The following PIK3CD variants were observed in gnomAD, a reference collection of about 807,000 sequenced individuals.
PIK3CD encodes the protein phosphatidylinositol-4,5-bisphosphate 3-kinase catalytic subunit delta.
A neutral mutation model predicts 122.9 loss-of-function variants in PIK3CD; 20 were observed. That is an observed-to-expected ratio of 0.16 (90% CI 0.11 to 0.24). The LOEUF is 0.24. PIK3CD is among the 10% of genes least tolerant of loss of function. PIK3CD has a pLI of 1.00. For missense variants in PIK3CD, 787 were observed against 1,406.3 expected (o/e 0.56, Z 7.04); for synonymous variants, 596 against 593.4 (o/e 1.00, Z -0.06).
the PIK3CD span, among the ~76,000 whole-genome samples, chr1:9,628,859 A>C: frequency 1.3e-5 from 2 of 152,274 alleles, no homozygotes; most frequent in African/African-American, 2.4e-5. Context: ...GACACTGGGC[A>C]GTAAGGGTGA....
At chr1:9,637,487 G>A in the PIK3CD span, among the ~76,000 whole-genome samples, 1,205 of 152,272 alleles carry the variant, frequency 7.9e-3, 27 homozygotes, top group Admixed American at 0.045. Flanking sequence ...CTACACTCCA[G>A]CCTGGGTGAC....
chr1:9,718,073 A>C lies in PIK3CD; in HGVS notation c.1020+447A>C, dbSNP rs2100892280. On this transcript the variant is annotated intron_variant, in intron 8 of 23. Coordinates refer to ENST00000377346, the MANE Select transcript of PIK3CD (RefSeq NM_005026.5). The surrounding 1 kb of genome is among the most constrained non-coding windows in gnomAD (Gnocchi z 7.2). ...TGAGCCCACCTCCCTGTTGTCTCTT[A>C]ACACTTTCACACGCTCCATCGCAAC... 2.1e-6 allele frequency: 1 copy of C among 470,980 alleles called. No homozygotes were observed. Among genetic ancestry groups the C allele is most frequent in the Non-Finnish European group, 4.2e-6 (1 of 237,118 alleles). 29.2% of individuals were successfully genotyped at this position (470,980 alleles called of 1,614,324 possible). A position where few individuals can be genotyped will look rare whatever the true frequency, so the allele number is the denominator to read the frequency against.
chr1:9,686,045 A>G (rs1179873793), intron 1 of PIK3CD, among the ~76,000 whole-genome samples: 4 of 152,226 alleles, frequency 2.6e-5, no homozygotes, highest in Non-Finnish European at 5.9e-5. Flanking sequence ...CATCACAGCA[A>G]AAGTGTGATG....
At position 9,710,144 on chromosome 1, in the gene PIK3CD, TG is replaced by T. The variant is rs1335841263; in HGVS notation, c.-32-279del. The stretch of plus-strand genomic sequence containing the variant: ...TGGCTTTCGTGGATGTGTATGTTCC[TG>T]AGGAAAGATGATTTGCTGTGCGTGC... On this transcript the variant is annotated intron_variant, in intron 2 of 23. Transcript: ENST00000377346. This position sits in a 1 kb window ranked among gnomAD's most constrained non-coding sequence, Gnocchi z 4.7. The T allele has an allele frequency of 2.4e-6, 1 of 423,104 alleles. No homozygotes were observed. Among genetic ancestry groups the T allele is most frequent in the Non-Finnish European group, 4.5e-6 (1 of 224,352 alleles). 26.2% of individuals were successfully genotyped at this position (423,104 alleles called of 1,614,324 possible).
At chr1:9,725,384 TC>T (rs1474593806) in intron 23 of PIK3CD, among the ~76,000 whole-genome samples, 2 of 151,556 alleles carry the variant, frequency 1.3e-5, no homozygotes, top group Admixed American at 6.6e-5. Flanking sequence ...AGAAACCCCG[TC>T]TCTACTAAAA....
Position 9,716,562 on chromosome 1 carries a change from G to A in PIK3CD, c.723G>A (p.Leu241=), listed in dbSNP as rs1647487268. The change falls in exon 6 of 24, where the codon CTG becomes CTA. Residue 241 remains leucine, a synonymous_variant. Coordinates refer to ENST00000377346, the MANE Select transcript of PIK3CD (RefSeq NM_005026.5). ...TGGAGCAGCCGGAAGACTACACGCT[G>A]CAGGTGAACGGCAGGCATGAGTACC... The part of the protein sequence containing the change: ...PLVEQPEDYT[L]QVNGRHEYLY... The A allele has an allele frequency of 6.2e-7, 1 of 1,601,320 alleles. No homozygotes were observed. The highest frequency in any genetic ancestry group is 1.3e-5 in the African/African-American group (1 of 74,532).
In PIK3CD at chr1:9,727,661, G is replaced by A. The variant is rs1254562087; in HGVS notation, c.*615G>A. 1 of 218,130 alleles carries A rather than the reference G, an allele frequency of 4.6e-6. No homozygotes were observed. 13.5% of individuals were successfully genotyped at this position (218,130 alleles called of 1,614,324 possible). ...GATGACTCACCACACCTCTACGGCT[G>A]GGGAGATCAGGCCCAGCCCCATAAA... On this transcript the variant is annotated 3_prime_UTR_variant, in exon 24 of 24. Transcript: ENST00000377346.
intron 2 of PIK3CD, among the ~76,000 whole-genome samples, chr1:9,702,500 CTTTTTTTTTTTTTTTTTTTT>C (rs60167511): frequency 0.014 from 350 of 25,830 alleles, 11 homozygotes; most frequent in African/African-American, 0.038. Flanking sequence ...AAGAACTTTC[CTTTTTTTTTTTTTTTTTTTT>C]TTTTTTTTTT....
chr1:9,690,942 T>G (rs1338997150), intron 1 of PIK3CD, among the ~76,000 whole-genome samples: 1 of 151,810 alleles, frequency 6.6e-6, no homozygotes, highest in African/African-American at 2.4e-5. Context: ...GCGGCTGAGG[T>G]GGGGGAAGAA....
chr1:9,703,282 C>T (rs2100666880), intron 2 of PIK3CD, among the ~76,000 whole-genome samples: 1 of 152,384 alleles, frequency 6.6e-6, no homozygotes, highest in South Asian at 2.1e-4. Context: ...GCCTAAGTCT[C>T]ATTCCCACCT....
intron 2 of PIK3CD, chr1:9,691,809 A>G (rs1646207087): frequency 8.5e-6 from 3 of 354,582 alleles, no homozygotes; most frequent in Non-Finnish European, 1.5e-5. Flanking sequence ...TGCCTGGGAA[A>G]AGAAGGAATG....
In PIK3CD at chr1:9,717,172, A is replaced by T; in HGVS notation, c.930+64A>T. 6.3e-7 allele frequency: 1 copy of T among 1,590,750 alleles called. No individual in the cohort carries two copies. Among genetic ancestry groups the T allele is most frequent in the Non-Finnish European group, 8.6e-7 (1 of 1,159,858 alleles). Reference sequence around the variant, plus strand: ...TTCTTTCCACCTGGCGTCCAACTCCATGTGCTACTGGCCATGGGTCCAGGG... The same window carrying T: ...TTCTTTCCACCTGGCGTCCAACTCCTTGTGCTACTGGCCATGGGTCCAGGG... On this transcript the variant is annotated intron_variant, in intron 7 of 23. Coordinates refer to ENST00000377346, the MANE Select transcript of PIK3CD (RefSeq NM_005026.5). This position sits in a 1 kb window ranked among gnomAD's most constrained non-coding sequence, Gnocchi z 5.4.
At position 9,718,709 on chromosome 1, in the gene PIK3CD, G is replaced by A. The variant is rs1350006292; in HGVS notation, c.1036G>A (p.Gly346Arg). 4 of 1,604,176 alleles carry A rather than the reference G, an allele frequency of 2.5e-6. No homozygotes were observed. Among genetic ancestry groups the A allele is most frequent in the East Asian group, 2.2e-5 (1 of 44,798 alleles). ...CCTTCTACAGCTGGTGGTGCAGGCCGGGCTTTTCCACGGCAACGAGATGCT... is the reference window on the plus strand; with the variant it reads ...CCTTCTACAGCTGGTGGTGCAGGCCAGGCTTTTCCACGGCAACGAGATGCT... ...DERMKLVVQAGLFHGNEMLCK... is the reference protein window; with the variant it reads ...DERMKLVVQARLFHGNEMLCK... Residue 346 changes from glycine (G) to arginine (R), a missense_variant, in exon 9 of 24, where the codon GGG (glycine) becomes AGG (arginine). By Grantham distance (125) the Gly-to-Arg change is moderately radical (BLOSUM62 -2). Around this residue, in one of 6 missense-constraint regions of PIK3CD, gnomAD observed 592 missense variants for 920.6 expected, o/e 0.64. Coordinates refer to ENST00000377346, the MANE Select transcript of PIK3CD (RefSeq NM_005026.5). The surrounding 1 kb of genome is among the most constrained non-coding windows in gnomAD (Gnocchi z 7.2).
At chr1:9,655,845 C>T (rs1644840328) in intron 1 of PIK3CD, among the ~76,000 whole-genome samples, 2 of 151,756 alleles carry the variant, frequency 1.3e-5, no homozygotes, top group South Asian at 2.1e-4. Flanking sequence ...TACAGATGTG[C>T]GCCACTATGG....
rs1646111854 is a variant in PIK3CD at position 9,689,538 on chromosome 1, C to T, written c.-137-1929C>T. 6.9e-6 allele frequency among the ~76,000 whole-genome samples: 1 copy of T among 145,128 alleles called. No individual in the cohort carries two copies. Among genetic ancestry groups the T allele is most frequent in the African/African-American group, 2.5e-5 (1 of 39,990 alleles). ...CCAGTAGTCCCAGCCCCGCCCCGGG[C>T]CGCGCCCCTCCGCCGAGCCCCGCTT... On this transcript the variant is annotated intron_variant, in intron 1 of 23. Coordinates refer to ENST00000377346, the MANE Select transcript of PIK3CD (RefSeq NM_005026.5). This position sits in a 1 kb window ranked among gnomAD's most constrained non-coding sequence, Gnocchi z 6.1.
intron 1 of PIK3CD, among the ~76,000 whole-genome samples, chr1:9,659,040 C>A (rs1644938304): frequency 6.6e-6 from 1 of 152,202 alleles, no homozygotes; most frequent in Non-Finnish European, 1.5e-5. Flanking sequence ...TCTAGCCCAA[C>A]ACAGCGGTTG....
rs774180715 is a variant in PIK3CD at position 9,717,641 on chromosome 1, A to G, written c.1020+15A>G. 6.2e-7 allele frequency: 1 copy of G among 1,612,346 alleles called. No homozygotes were observed. Among genetic ancestry groups the G allele is most frequent in the Non-Finnish European group, 8.5e-7 (1 of 1,178,668 alleles). ...AGCGGATGAAGGTGGGGCTCCTGGG[A>G]TAGGTGGGAGAGACACTGTTTTTTT... is the stretch of plus-strand genomic sequence containing the variant. On this transcript the variant is annotated intron_variant, in intron 8 of 23. Coordinates refer to ENST00000377346, the MANE Select transcript of PIK3CD (RefSeq NM_005026.5). This position sits in a 1 kb window ranked among gnomAD's most constrained non-coding sequence, Gnocchi z 5.4.
rs202192965 is a variant in PIK3CD at position 9,699,026 on chromosome 1, A to AAAAT, written c.-33+7471_-33+7474dup. 5.9e-3 allele frequency among the ~76,000 whole-genome samples: 900 copies of AAAAT among 152,106 alleles called. 7 individuals are homozygous for AAAAT. Among genetic ancestry groups the AAAAT allele is most frequent in the Middle Eastern group, 0.02 (6 of 294 alleles). On this transcript the variant is annotated intron_variant, in intron 2 of 23. Transcript: ENST00000377346. The stretch of plus-strand genomic sequence containing the variant: ...AACATAGGGAGGTCCCGCCCCCTAC[A>AAAAT]AAATAAATAAATAAATAAACAAAGC...
intron 1 of PIK3CD, among the ~76,000 whole-genome samples, chr1:9,677,514 G>A (rs930465740): frequency 2.0e-5 from 3 of 151,740 alleles, no homozygotes; most frequent in Non-Finnish European, 2.9e-5. Context: ...GTGTGGTGGC[G>A]TATGTCTGCA....
Sources: allele counts gnomAD v4.1 joint callset (sites outside exome capture counted in the v4.1 genomes callset), GRCh38; gene constraint gnomAD v4.1.1; regional missense constraint gnomAD v4.1.1; non-coding constraint Gnocchi (gnomAD v3.1); transcripts MANE v1.5; gene names NCBI Gene and HGNC (gene_info 2026-07-23, HGNC 2026-07-21).